WWOX: variants seen among roughly 807,000 people sequenced by gnomAD.
WWOX encodes the protein WW domain containing oxidoreductase.
WWOX carries 69 observed loss-of-function variants against 46.2 expected under a neutral mutation model. The observed-to-expected ratio is 1.49, with a 90% confidence interval of 1.23 to 1.82. The LOEUF (loss-of-function observed/expected upper bound fraction) is 1.82, where lower values mean the gene tolerates loss of function less well. WWOX is among the 40% of genes most tolerant of loss of function. The pLI is 0.00. For missense variants in WWOX, 919 were observed against 542.6 expected, an observed-to-expected ratio of 1.69 and a Z score of -6.89; for synonymous variants, 359 against 202.6, an observed-to-expected ratio of 1.77 and a Z score of -6.56.
chr16:78,930,809 T>A (rs2151281061), intron 8 of WWOX, among the ~76,000 whole-genome samples: 2 of 152,252 alleles, frequency 1.3e-5, no homozygotes, highest in East Asian at 3.9e-4. Flanking sequence ...ATTTGCTGAG[T>A]ACCCGCTGTT....
chr16:78,303,648 G>A (rs144700383), intron 5 of WWOX, among the ~76,000 whole-genome samples: 3 of 152,178 alleles, frequency 2.0e-5, no homozygotes, highest in African/African-American at 7.2e-5. Context: ...GGTTTCAAGC[G>A]ATTCTCATGC....
At chr16:78,841,588 T>C (rs1463642875) in intron 8 of WWOX, among the ~76,000 whole-genome samples, 3 of 152,246 alleles carry the variant, frequency 2.0e-5, no homozygotes, top group African/African-American at 7.2e-5. Context: ...GTAATGCTGC[T>C]TTCAAAATGT....
At chr16:78,118,022 GTTCTTTCTTTCT>G (rs376247260) in intron 4 of WWOX, among the ~76,000 whole-genome samples, 2 of 150,084 alleles carry the variant, frequency 1.3e-5, no homozygotes, top group African/African-American at 2.5e-5. Context: ...ATTTCCAGTG[GTTCTTTCTTTCT>G]TTCTTTCTTT....
At chr16:78,113,188 T>G (rs1730214805) in intron 3 of WWOX, among the ~76,000 whole-genome samples, 1 of 152,034 alleles carries the variant, frequency 6.6e-6, no homozygotes, top group African/African-American at 2.4e-5. Flanking sequence ...AAATGTACAT[T>G]CCCAGGCCCC....
chr16:79,079,728 A>G (rs191272758), intron 8 of WWOX, among the ~76,000 whole-genome samples: 14 of 152,240 alleles, frequency 9.2e-5, no homozygotes, highest in Admixed American at 3.9e-4. Flanking sequence ...GTTTATGTCT[A>G]CCCCAGGCTT....
intron 8 of WWOX, among the ~76,000 whole-genome samples, chr16:78,800,925 A>G (rs992803883): frequency 6.8e-6 from 1 of 147,164 alleles, no homozygotes; most frequent in East Asian, 2.0e-4. Flanking sequence ...TTAAGCATCA[A>G]ACTCTCAAAT....
At chr16:78,908,423 C>G (rs1442653638) in intron 8 of WWOX, among the ~76,000 whole-genome samples, 1 of 151,770 alleles carries the variant, frequency 6.6e-6, no homozygotes, top group Admixed American at 6.6e-5. Flanking sequence ...GCCTGTAATC[C>G]TAGCTAGTCG....
intron 8 of WWOX, among the ~76,000 whole-genome samples, chr16:78,961,940 G>A (rs938368821): frequency 1.3e-5 from 2 of 152,118 alleles, no homozygotes; most frequent in Non-Finnish European, 2.9e-5. Context: ...AATTTGGCAG[G>A]TATTAGGGAT....
intron 8 of WWOX, among the ~76,000 whole-genome samples, chr16:78,605,316 A>G (rs1225946074): frequency 6.6e-6 from 1 of 151,156 alleles, no homozygotes; most frequent in East Asian, 2.0e-4. Context: ...TTGCTCAGGC[A>G]TGTCTTATAT....
chr16:78,215,982 T>C (rs1398973938), intron 5 of WWOX, among the ~76,000 whole-genome samples: 2 of 151,946 alleles, frequency 1.3e-5, no homozygotes, highest in Non-Finnish European at 2.9e-5. Flanking sequence ...ACTGTTCTTA[T>C]TCCCATTTCA....
At chr16:78,517,824 GAAAA>G (rs200115908) in intron 8 of WWOX, among the ~76,000 whole-genome samples, 1 of 124,508 alleles carries the variant, frequency 8.0e-6, no homozygotes, top group Non-Finnish European at 1.7e-5. Context: ...AACAAGAAGT[GAAAA>G]AAAAAAAGAA....
Position 78,547,127 on chromosome 16 carries a change from G to GAA in WWOX, c.1056+114406_1056+114407dup, listed in dbSNP as rs199726097. ...TGGGAGAGTGTGAGACCTTGTCTCA[G>GAA]AAAAAAAAAAAAAAAAAAAAAAAAA... On this transcript the variant is annotated intron_variant, in intron 8 of 8. Transcript: ENST00000566780. 7.1e-3 allele frequency among the ~76,000 whole-genome samples: 620 copies of GAA among 87,440 alleles called. 56 individuals carry two copies. Among genetic ancestry groups the GAA allele is most frequent in the African/African-American group, 0.021 (311 of 14,632 alleles). The allele number at this position is 87,440 out of a possible 152,430, so 57.4% of individuals were successfully genotyped here. A position where few individuals can be genotyped will look rare whatever the true frequency, so the allele number is the denominator to read the frequency against.
intron 8 of WWOX, among the ~76,000 whole-genome samples, chr16:78,549,538 G>A (rs1285007973): frequency 6.6e-6 from 1 of 151,964 alleles, no homozygotes; most frequent in Non-Finnish European, 1.5e-5. Flanking sequence ...TCTCCTTTTT[G>A]TCCATCTCTT....
chr16:78,655,895 C>G (rs149050418), intron 8 of WWOX, among the ~76,000 whole-genome samples: 66 of 152,180 alleles, frequency 4.3e-4, no homozygotes, highest in Middle Eastern at 6.8e-3. Flanking sequence ...TTCTCAGTAC[C>G]CCAGCTCTGT....
At chr16:78,936,196 C>G (rs1193836996) in intron 8 of WWOX, among the ~76,000 whole-genome samples, 1 of 152,026 alleles carries the variant, frequency 6.6e-6, no homozygotes, top group Non-Finnish European at 1.5e-5. Context: ...ATGCAATAGG[C>G]AAAGGCAGTG....
chr16:79,182,479 A>C (rs59500395), intron 8 of WWOX, among the ~76,000 whole-genome samples: 3,701 of 152,124 alleles, frequency 0.024, 177 homozygotes, highest in African/African-American at 0.085. Flanking sequence ...GAACTCTCTG[A>C]GAATGCAGTG....
At chr16:78,641,385 T>C (rs1472024207) in intron 8 of WWOX, among the ~76,000 whole-genome samples, 2 of 152,102 alleles carry the variant, frequency 1.3e-5, no homozygotes, top group African/African-American at 4.8e-5. Flanking sequence ...GCTGCACTTG[T>C]AGTGTCAGGG....
At chr16:78,293,985 A>G (rs4528585) in intron 5 of WWOX, among the ~76,000 whole-genome samples, 1 of 67,734 alleles carries the variant, frequency 1.5e-5, no homozygotes, top group Non-Finnish European at 3.3e-5. Context: ...TCAGAAAAAA[A>G]AAAAAAAAAA....
At chr16:79,009,324 G>A (rs1385277457) in intron 8 of WWOX, among the ~76,000 whole-genome samples, 3 of 152,174 alleles carry the variant, frequency 2.0e-5, no homozygotes, top group African/African-American at 7.2e-5. Context: ...TGTGGCTGGG[G>A]CTGCTGCTCT....
Sources: gnomAD v4.1 joint callset for allele counts (sites outside exome capture counted in the v4.1 genomes callset) on GRCh38, gnomAD v4.1.1 for gene constraint, MANE v1.5 for transcripts, NCBI Gene and HGNC (gene_info 2026-07-23, HGNC 2026-07-21) for gene names.